The following SEMA6D variants were observed in gnomAD, a reference collection of about 807,000 sequenced individuals.
SEMA6D encodes semaphorin 6D.
Under a neutral mutation model 106.6 loss-of-function variants are expected in SEMA6D, and 35 were observed. The ratio of observed to expected loss-of-function variants is 0.33; its 90% CI spans 0.25 to 0.44. The LOEUF is 0.44. SEMA6D is among the 20% of genes least tolerant of loss of function. The pLI is 1.00. For synonymous variants in SEMA6D, 499 were observed against 487.7 expected (o/e 1.02, Z -0.31); for missense variants, 1,185 against 1,345.9 (o/e 0.88, Z 1.87).
At chr15:47,265,206 A>T (rs1458517806) in intron 1 of SEMA6D, among the ~76,000 whole-genome samples, 1 of 151,816 alleles carries the variant, frequency 6.6e-6, no homozygotes, top group African/African-American at 2.4e-5. Context: ...TTCTTTAAAT[A>T]TTGTGTATTA....
At chr15:47,330,802 T>G (rs2037313179) in intron 1 of SEMA6D, among the ~76,000 whole-genome samples, 1 of 152,172 alleles carries the variant, frequency 6.6e-6, no homozygotes, top group Non-Finnish European at 1.5e-5. Flanking sequence ...GACTTTCAAG[T>G]GGGCTTTGAT....
At chr15:47,706,825 A>C (rs1380733734) in intron 4 of SEMA6D, among the ~76,000 whole-genome samples, 1 of 152,222 alleles carries the variant, frequency 6.6e-6, no homozygotes, top group African/African-American at 2.4e-5. Flanking sequence ...ATAAGAAAAA[A>C]AAGTGCCCAT....
chr15:47,652,413 A>G (rs1162995120), intron 4 of SEMA6D, among the ~76,000 whole-genome samples: 1 of 152,184 alleles, frequency 6.6e-6, no homozygotes, highest in African/African-American at 2.4e-5. Flanking sequence ...TAGCAGGAAT[A>G]GGACTTTGAA....
At chr15:47,508,016 C>T (rs1373272578) in intron 3 of SEMA6D, among the ~76,000 whole-genome samples, 3 of 152,272 alleles carry the variant, frequency 2.0e-5, no homozygotes, top group South Asian at 4.1e-4. Context: ...TTCTTAATAT[C>T]ATAACCATGC....
chr15:47,293,203 C>T (rs966364601), intron 1 of SEMA6D, among the ~76,000 whole-genome samples: 1 of 152,168 alleles, frequency 6.6e-6, no homozygotes, highest in African/African-American at 2.4e-5. Flanking sequence ...ATGAAGCTCT[C>T]ATCCTCCTCC....
chr15:47,284,836 C>G (rs563685191), intron 1 of SEMA6D, among the ~76,000 whole-genome samples: 3 of 152,122 alleles, frequency 2.0e-5, no homozygotes, highest in Non-Finnish European at 2.9e-5. Context: ...TGAGCAGACC[C>G]GAAATCTTGA....
At chr15:47,663,466 T>C (rs2077967027) in intron 4 of SEMA6D, among the ~76,000 whole-genome samples, 1 of 152,224 alleles carries the variant, frequency 6.6e-6, no homozygotes, top group Non-Finnish European at 1.5e-5. Context: ...GATTTTGCTT[T>C]GTTTTGTTTC....
chr15:47,408,673 A>C (rs1232612154), intron 1 of SEMA6D, among the ~76,000 whole-genome samples: 1 of 152,260 alleles, frequency 6.6e-6, no homozygotes, highest in East Asian at 1.9e-4. Flanking sequence ...AAGTGTTAAT[A>C]AGCAAATAGG....
At chr15:47,443,435 A>G (rs1490620593) in intron 2 of SEMA6D, among the ~76,000 whole-genome samples, 1 of 152,070 alleles carries the variant, frequency 6.6e-6, no homozygotes. Context: ...ATTAACCCAC[A>G]TGGCATGACC....
intron 3 of SEMA6D, among the ~76,000 whole-genome samples, chr15:47,583,825 G>A (rs910522202): frequency 2.0e-5 from 3 of 152,178 alleles, no homozygotes; most frequent in African/African-American, 7.2e-5. Context: ...AGGGGAGAAA[G>A]AAGGCAGAGA....
chr15:47,554,851 CAG>C (rs1453721049), intron 3 of SEMA6D, among the ~76,000 whole-genome samples: 1 of 152,130 alleles, frequency 6.6e-6, no homozygotes, highest in African/African-American at 2.4e-5. Context: ...TCTGTGTTCT[CAG>C]GGGGATTATG....
At chr15:47,636,306 A>G (rs1321174255) in intron 4 of SEMA6D, among the ~76,000 whole-genome samples, 1 of 152,234 alleles carries the variant, frequency 6.6e-6, no homozygotes, top group Non-Finnish European at 1.5e-5. Flanking sequence ...TCAAACTTGA[A>G]TTATGGTCTT....
chr15:47,745,711 G>A (rs182104110), intron 1 of SEMA6D, among the ~76,000 whole-genome samples: 14 of 152,158 alleles, frequency 9.2e-5, no homozygotes, highest in Admixed American at 1.3e-4. Context: ...TAGCCTGGGC[G>A]CTCCCTGAGC....
At chr15:47,594,754 G>T (rs1454536403) in intron 3 of SEMA6D, among the ~76,000 whole-genome samples, 2 of 152,126 alleles carry the variant, frequency 1.3e-5, no homozygotes, top group Non-Finnish European at 2.9e-5. Flanking sequence ...AGCCAAAATG[G>T]GAGCACAGGG....
intron 3 of SEMA6D, among the ~76,000 whole-genome samples, chr15:47,542,492 A>G (rs1389768536): frequency 6.6e-6 from 1 of 152,112 alleles, no homozygotes; most frequent in Non-Finnish European, 1.5e-5. Context: ...GTGATTTACA[A>G]TGGTTGGCCA....
At chr15:47,342,024 TTTC>T (rs2037837204) in intron 1 of SEMA6D, among the ~76,000 whole-genome samples, 1 of 152,124 alleles carries the variant, frequency 6.6e-6, no homozygotes, top group African/African-American at 2.4e-5. Context: ...TTTTCCTTTT[TTTC>T]TTTTTTGTTT....
intron 1 of SEMA6D, among the ~76,000 whole-genome samples, chr15:47,304,636 C>T (rs2036165425): frequency 6.6e-6 from 1 of 152,098 alleles, no homozygotes; most frequent in African/African-American, 2.4e-5. Flanking sequence ...TTCATTTAAA[C>T]TGTTGCTACA....
chr15:47,582,112 T>A (rs550643507), intron 3 of SEMA6D, among the ~76,000 whole-genome samples: 5 of 152,314 alleles, frequency 3.3e-5, no homozygotes, highest in African/African-American at 1.2e-4. Context: ...ATAGGCCAGA[T>A]AAATGCCACT....
chr15:47,686,985 G>C lies in SEMA6D; in HGVS notation c.-54-72760G>C, dbSNP rs557747122. Among the ~76,000 whole-genome samples, 7 of 150,438 alleles carry C rather than the reference G, an allele frequency of 4.7e-5. No individual in the cohort carries two copies. In the South Asian group the frequency reaches 1.1e-3, roughly 23 times the overall value. On this transcript the variant is annotated intron_variant, in intron 4 of 19. Coordinates refer to the SEMA6D transcript ENST00000558014. ...GGAGGCTGAGGCAGGAAGATCGCTTGAGCCCAGGATTTTGAGGCTGTAGGG... is the reference window on the plus strand; with the variant it reads ...GGAGGCTGAGGCAGGAAGATCGCTTCAGCCCAGGATTTTGAGGCTGTAGGG...
Sources: allele counts gnomAD v4.1 joint callset (sites outside exome capture counted in the v4.1 genomes callset), GRCh38; gene constraint gnomAD v4.1.1; transcripts MANE v1.5; gene names NCBI Gene and HGNC (gene_info 2026-07-23, HGNC 2026-07-21).